The following AKAP14 variants were observed in gnomAD, a reference collection of about 807,000 sequenced individuals.
AKAP14 encodes A-kinase anchoring protein 14.
AKAP14 carries 4 observed loss-of-function variants against 17.0 expected under a neutral mutation model. The observed-to-expected ratio is 0.23, with a 90% confidence interval of 0.12 to 0.54. The LOEUF is 0.54. Ranked by LOEUF, AKAP14 falls within the 20% of genes least tolerant of loss-of-function variation. The pLI, the probability that AKAP14 is intolerant of heterozygous loss-of-function variation, is 0.95. For missense variants in AKAP14, 129 were observed against 150.9 expected (o/e 0.85, Z 0.76); for synonymous variants, 42 against 51.3 (o/e 0.82, Z 0.77).
chrX:119,907,137 T>C (rs1378142809), intron 4 of AKAP14, among the ~76,000 whole-genome samples: 1 of 109,829 alleles, frequency 9.1e-6, no homozygotes, highest in Non-Finnish European at 1.9e-5. Flanking sequence ...TGATTTTTTT[T>C]TTTTTTTTGT....
intron 4 of AKAP14, among the ~76,000 whole-genome samples, chrX:119,911,343 G>A (rs1390063382): frequency 1.4e-4 from 15 of 105,309 alleles, no homozygotes; most frequent in Non-Finnish European, 2.7e-4. Flanking sequence ...GACAGAGCGA[G>A]ACTCTGTTTC....
chrX:119,905,627 G>A (rs1032726384), intron 4 of AKAP14, among the ~76,000 whole-genome samples: 12 of 110,418 alleles, frequency 1.1e-4, no homozygotes, highest in Non-Finnish European at 1.7e-4. Context: ...TTCTTCCCTC[G>A]GCCACACTTG....
chrX:119,899,401 G>A (rs993205914), intron 2 of AKAP14, among the ~76,000 whole-genome samples: 2 of 110,987 alleles, frequency 1.8e-5, no homozygotes, highest in Non-Finnish European at 3.8e-5. Context: ...GCTGTAGAAG[G>A]GTTAAGTAAG....
intron 4 of AKAP14, among the ~76,000 whole-genome samples, chrX:119,912,091 C>G (rs985583344): frequency 1.8e-5 from 2 of 109,784 alleles, no homozygotes; most frequent in Non-Finnish European, 3.8e-5. Flanking sequence ...CCACCACGCC[C>G]GGCTCATTTT....
chrX:119,896,805 C>CTTTTTT lies in AKAP14; in HGVS notation c.-11+540_-11+545dup, dbSNP rs765107118. ...CAAATGGGCAATTTTCTTTTCTTTT[C>CTTTTTT]TTTTTTTCTTTTTTTTTTTTTTTGA... On this transcript the variant is annotated intron_variant, in intron 2 of 6. Transcript: ENST00000371431. 1.3e-3 allele frequency among the ~76,000 whole-genome samples: 95 copies of CTTTTTT among 70,716 alleles called. 9 individuals are homozygous for CTTTTTT. The highest frequency in any genetic ancestry group is 1.6e-3 in the Non-Finnish European group (64 of 39,181). The allele number at this position is 70,716 out of a possible 115,157, so 61.4% of individuals were successfully genotyped here.
At position 119,901,044 on chromosome X, in the gene AKAP14, G is replaced by A. The variant is rs187009816; in HGVS notation, c.-10-2170G>A. ...TTCACATTGTCAATACATGTTAAAG[G>A]CATCTGGAAGATTATAGCTATCATT... On this transcript the variant is annotated intron_variant, in intron 2 of 6. Coordinates refer to ENST00000371431, the MANE Select transcript of AKAP14 (RefSeq NM_178813.6). Among the ~76,000 whole-genome samples, 3 of 111,937 alleles carry A rather than the reference G, an allele frequency of 2.7e-5. No individual in the cohort carries two copies. The East Asian group carries it at 8.4e-4, about 31-fold the overall frequency.
chrX:119,901,869 C>T (rs1446239729), intron 2 of AKAP14, among the ~76,000 whole-genome samples: 2 of 106,685 alleles, frequency 1.9e-5, no homozygotes, highest in African/African-American at 6.8e-5. Flanking sequence ...ATTAGCCGGG[C>T]GTGGTGGCGC....
intron 4 of AKAP14, among the ~76,000 whole-genome samples, chrX:119,908,507 T>C (rs1250261130): frequency 9.0e-6 from 1 of 111,648 alleles, no homozygotes; most frequent in Non-Finnish European, 1.9e-5. Context: ...CTATAAAAAA[T>C]GCCCAGTGAG....
chrX:119,919,713 G>T, intron 5 of AKAP14, 198 bp from the exon 6 acceptor site: 1 of 346,665 alleles, frequency 2.9e-6, no homozygotes, highest in Non-Finnish European at 5.0e-6. Flanking sequence ...GGGTGTGGTG[G>T]CGGGCATCTA....
chrX:119,915,696 G>A (rs780092387), intron 5 of AKAP14, among the ~76,000 whole-genome samples: 28 of 111,535 alleles, frequency 2.5e-4, no homozygotes, highest in Non-Finnish European at 3.4e-4. Context: ...AGTAGAGATG[G>A]GGTTTCACCA....
intron 4 of AKAP14, among the ~76,000 whole-genome samples, chrX:119,912,571 G>A (rs1224252034): frequency 9.3e-6 from 1 of 107,615 alleles, no homozygotes; most frequent in East Asian, 2.9e-4. Context: ...CACTCTTGTA[G>A]CCCAGGCTGG....
At chrX:119,899,140 C>G (rs959429269) in intron 2 of AKAP14, among the ~76,000 whole-genome samples, 1 of 91,319 alleles carries the variant, frequency 1.1e-5, no homozygotes, top group African/African-American at 4.5e-5. Context: ...GCCCTCCAGC[C>G]TGGGTGACAG....
intron 2 of AKAP14, among the ~76,000 whole-genome samples, chrX:119,900,744 C>T (rs2147827517): frequency 9.0e-6 from 1 of 111,068 alleles, no homozygotes; most frequent in South Asian, 3.8e-4. Flanking sequence ...GCTATGTTGT[C>T]CAGGCTGATC....
intron 4 of AKAP14, among the ~76,000 whole-genome samples, chrX:119,913,075 C>G: frequency 9.3e-6 from 1 of 107,839 alleles, no homozygotes; most frequent in Admixed American, 1.0e-4. Flanking sequence ...ATTGCTCGAG[C>G]CCAGGAGTTC....
chrX:119,897,892 G>C (rs961158941), intron 2 of AKAP14, among the ~76,000 whole-genome samples: 3 of 112,289 alleles, frequency 2.7e-5, no homozygotes, highest in African/African-American at 9.7e-5. Flanking sequence ...CAGCATTTTG[G>C]GAGGCCGAGG....
intron 4 of AKAP14, among the ~76,000 whole-genome samples, chrX:119,913,152 A>AAATAAATAAATAAAT (rs773489785): frequency 3.9e-4 from 26 of 66,228 alleles, no homozygotes; most frequent in East Asian, 1.6e-3. Context: ...ATAAATAAAT[A>AAATAAATAAATAAAT]AAATAAAATA....
intron 2 of AKAP14, among the ~76,000 whole-genome samples, chrX:119,900,713 C>G (rs1017013960): frequency 9.0e-6 from 1 of 110,762 alleles, no homozygotes; most frequent in African/African-American, 3.3e-5. Context: ...ATTTTTTAAA[C>G]TTTTGTAGAG....
chrX:119,904,439 G>C (rs888876955), intron 4 of AKAP14, among the ~76,000 whole-genome samples: 18 of 112,554 alleles, frequency 1.6e-4, no homozygotes, highest in African/African-American at 5.8e-4. Flanking sequence ...TTGCATAACT[G>C]GTGAGTGAAT....
chrX:119,898,555 T>G (rs924182453), intron 2 of AKAP14, among the ~76,000 whole-genome samples: 1 of 107,418 alleles, frequency 9.3e-6, no homozygotes, highest in Non-Finnish European at 1.9e-5. Flanking sequence ...ACTTTGGAGA[T>G]TACACCAAGG....
Sources: gnomAD v4.1 joint callset for allele counts (sites outside exome capture counted in the v4.1 genomes callset) on GRCh38, gnomAD v4.1.1 for gene constraint, MANE v1.5 for transcripts, NCBI Gene and HGNC (gene_info 2026-07-23, HGNC 2026-07-21) for gene names.